The following TASP1 variants were observed in gnomAD, a reference collection of about 807,000 sequenced individuals.
TASP1 encodes the protein taspase 1.
TASP1 carries 16 observed loss-of-function variants against 56.6 expected under a neutral mutation model. The ratio of observed to expected loss-of-function variants is 0.28; its 90% CI spans 0.19 to 0.43. The LOEUF is 0.43. Among genes scored for constraint, TASP1 ranks in the 20% least tolerant of loss-of-function variants. TASP1 has a pLI of 1.00. For missense variants in TASP1, 393 were observed against 511.6 expected (o/e 0.77, Z 2.24); for synonymous variants, 179 against 184.2 (o/e 0.97, Z 0.23).
the TASP1 span, among the ~76,000 whole-genome samples, chr20:13,139,854 A>G: frequency 6.6e-6 from 1 of 152,236 alleles, no homozygotes; most frequent in Non-Finnish European, 1.5e-5. Flanking sequence ...TAAGAACAAA[A>G]GAAAAATAAA....
In TASP1 at chr20:13,513,095, G is replaced by A. The variant is rs1445526295; in HGVS notation, c.874+15338C>T. 5.3e-5 allele frequency among the ~76,000 whole-genome samples: 8 copies of A among 151,908 alleles called. No individual in the cohort carries two copies. In the South Asian group the frequency reaches 1.2e-3, roughly 24 times the overall value. The stretch of plus-strand genomic sequence containing the variant: ...GTCTTGGCAATGTGGGCTCTTTTTT[G>A]GTTCCATATGAACTTTAAAGTAGCA... On this transcript the variant is annotated intron_variant, in intron 10 of 13. Coordinates refer to ENST00000337743, the MANE Select transcript of TASP1 (RefSeq NM_017714.3).
At chr20:13,298,549 A>G in the TASP1 span, among the ~76,000 whole-genome samples, 7,550 of 152,308 alleles carry the variant, frequency 0.05, 258 homozygotes, top group South Asian at 0.19. Context: ...GGGTGACATT[A>G]TATATTTCCA....
At chr20:13,324,281 A>T in the TASP1 span, among the ~76,000 whole-genome samples, 1 of 152,228 alleles carries the variant, frequency 6.6e-6, no homozygotes, top group African/African-American at 2.4e-5. Context: ...GACAGCAAGG[A>T]ATCAATTAGC....
At chr20:13,160,836 A>T in the TASP1 span, among the ~76,000 whole-genome samples, 8 of 152,232 alleles carry the variant, frequency 5.3e-5, no homozygotes, top group African/African-American at 1.9e-4. Context: ...AGAAATATAG[A>T]AAACTGTGGG....
chr20:13,387,469 G>A (rs1251204677), downstream of TASP1, among the ~76,000 whole-genome samples: 7 of 152,140 alleles, frequency 4.6e-5, no homozygotes, highest in African/African-American at 1.7e-4. Flanking sequence ...GATTACAGGT[G>A]TGAGCCAATG....
intron 13 of TASP1, among the ~76,000 whole-genome samples, chr20:13,391,201 A>G (rs1433366132): frequency 6.6e-6 from 1 of 152,144 alleles, no homozygotes; most frequent in East Asian, 1.9e-4. Flanking sequence ...GTCTTTGTAA[A>G]GAGGGCACTG....
chr20:13,614,762 C>T (rs1429523400), intron 4 of TASP1: 2 of 467,058 alleles, frequency 4.3e-6, no homozygotes, highest in African/African-American at 2.0e-5. Context: ...ATATTGGCTT[C>T]AATAAACTTT....
chr20:13,112,160 C>T, the TASP1 span, among the ~76,000 whole-genome samples: 3 of 152,330 alleles, frequency 2.0e-5, no homozygotes, highest in African/African-American at 2.4e-5. Context: ...ACCAACTGGG[C>T]AGTTCTTCTA....
At chr20:13,353,893 A>C in the TASP1 span, among the ~76,000 whole-genome samples, 1,599 of 152,314 alleles carry the variant, frequency 0.01, 26 homozygotes, top group African/African-American at 0.037. Context: ...GACAGAAACT[A>C]AAATAAAGAA....
the TASP1 span, among the ~76,000 whole-genome samples, chr20:13,295,372 A>G: frequency 6.6e-6 from 1 of 152,170 alleles, no homozygotes; most frequent in Non-Finnish European, 1.5e-5. Flanking sequence ...ACTGAACAAG[A>G]TTGCCATGAT....
chr20:13,187,955 G>C, the TASP1 span, among the ~76,000 whole-genome samples: 1 of 151,884 alleles, frequency 6.6e-6, no homozygotes, highest in African/African-American at 2.4e-5. Context: ...ATATATATAT[G>C]AGGGCATTAA....
the TASP1 span, among the ~76,000 whole-genome samples, chr20:13,158,420 T>C: frequency 1.3e-5 from 2 of 152,176 alleles, no homozygotes; most frequent in Non-Finnish European, 2.9e-5. Context: ...CTGCATTCTT[T>C]GGCAAAACGT....
At chr20:13,576,345 G>GAA (rs1555793526) in intron 6 of TASP1, among the ~76,000 whole-genome samples, 1 of 61,732 alleles carries the variant, frequency 1.6e-5, no homozygotes, top group African/African-American at 7.7e-5. Context: ...AAGAAAGGAA[G>GAA]AAAGAAAGAA....
At chr20:13,292,553 A>G in the TASP1 span, 1 of 805,768 alleles carries the variant, frequency 1.2e-6, no homozygotes, top group East Asian at 2.7e-5. Flanking sequence ...GATCCACGTA[A>G]ATGTTTCATT....
At chr20:13,617,988 A>G (rs538531359) in intron 4 of TASP1, among the ~76,000 whole-genome samples, 1 of 152,232 alleles carries the variant, frequency 6.6e-6, no homozygotes, top group East Asian at 1.9e-4. Context: ...CCAGAAGTAT[A>G]GAGCCCAGGG....
the TASP1 span, among the ~76,000 whole-genome samples, chr20:13,246,005 C>T: frequency 1.4e-4 from 21 of 152,340 alleles, no homozygotes; most frequent in African/African-American, 4.8e-4. Context: ...CTGTGGCTCA[C>T]GCCTATAATC....
rs570195319 is a variant in TASP1 at position 13,506,967 on chromosome 20, G to A, written c.874+21466C>T. Among the ~76,000 whole-genome samples, 20 of 151,238 alleles carry A rather than the reference G, an allele frequency of 1.3e-4. 1 individual carries two copies. In the South Asian group the frequency reaches 4.2e-3, roughly 32 times the overall value. On this transcript the variant is annotated intron_variant, in intron 10 of 13. Coordinates refer to ENST00000337743, the MANE Select transcript of TASP1 (RefSeq NM_017714.3). ...AACAAAAAGGCATCCAAATCAGAAAGGGAGAAGTAAAACTGTTACTATTGG... is the reference window on the plus strand; with the variant it reads ...AACAAAAAGGCATCCAAATCAGAAAAGGAGAAGTAAAACTGTTACTATTGG...
At chr20:13,620,711 GTGTT>G (rs1230141888) in intron 4 of TASP1, among the ~76,000 whole-genome samples, 1 of 152,172 alleles carries the variant, frequency 6.6e-6, no homozygotes, top group Non-Finnish European at 1.5e-5. Flanking sequence ...CTAAAGATAA[GTGTT>G]TATTCTCAAA....
intron 13 of TASP1, among the ~76,000 whole-genome samples, chr20:13,402,997 C>G (rs561702716): frequency 1.4e-4 from 21 of 152,164 alleles, no homozygotes. Context: ...TGAAGGCACA[C>G]CTTAGGTTTG....
Sources: allele counts gnomAD v4.1 joint callset (sites outside exome capture counted in the v4.1 genomes callset), GRCh38; gene constraint gnomAD v4.1.1; transcripts MANE v1.5; gene names NCBI Gene and HGNC (gene_info 2026-07-23, HGNC 2026-07-21).